The following C11orf97 variants were observed in gnomAD, a reference collection of about 807,000 sequenced individuals.
C11orf97 encodes uncharacterized protein C11orf97.
C11orf97 carries 15 observed loss-of-function variants against 16.2 expected under a neutral mutation model. The observed-to-expected ratio is 0.93, with a 90% CI of 0.62 to 1.43. The LOEUF (loss-of-function observed/expected upper bound fraction) is 1.43, where lower values mean the gene tolerates loss of function less well. Among genes scored for constraint, C11orf97 ranks in the 40% most tolerant of loss-of-function variants. The probability of loss-of-function intolerance (pLI) is 0.00; values close to 1 mark genes in which losing one functional copy is unlikely to be tolerated. For missense variants in C11orf97, 171 were observed against 161.2 expected, an observed-to-expected ratio of 1.06 and a Z score of -0.33; for synonymous variants, 61 against 65.7, an observed-to-expected ratio of 0.93 and a Z score of 0.34.
intron 2 of C11orf97, among the ~76,000 whole-genome samples, chr11:94,520,397 A>G (rs938339718): frequency 1.3e-5 from 2 of 152,180 alleles, no homozygotes; most frequent in Admixed American, 1.3e-4. Context: ...TGTATAATTT[A>G]GAGGTCTCAG....
rs886369539 is a variant in C11orf97, at chr11:94,512,664, G to C, written c.136G>C (p.Gly46Arg). The C allele has an allele frequency of 3.2e-6, 4 of 1,241,538 alleles. No individual in the cohort carries two copies. Among genetic ancestry groups the C allele is most frequent in the African/African-American group, 3.1e-5 (2 of 64,482 alleles). The allele number at this position is 1,241,538 out of a possible 1,614,324, so 76.9% of individuals were successfully genotyped here. ...GEPGRGPLEH[G>R]QQWKKFLYCE... ...ACCCGGCCGCGGCCCCCTAGAGCAC[G>C]GCCAGCAGTGTGAGTTCAGCTCCAG... The change falls in exon 1 of 4, where the codon GGC (glycine) becomes CGC (arginine). Residue 46 changes from glycine (G) to arginine (R), a missense_variant. Physicochemically the swap from Gly to Arg is moderately radical, Grantham distance 125. Coordinates refer to ENST00000542198, the MANE Select transcript of C11orf97 (RefSeq NM_001190462.2).
intron 2 of C11orf97, among the ~76,000 whole-genome samples, chr11:94,518,922 T>G (rs565276984): frequency 9.7e-4 from 148 of 152,154 alleles, no homozygotes; most frequent in African/African-American, 3.4e-3. Flanking sequence ...CATTTTTTTT[T>G]TTTTTGGATG....
chr11:94,521,810 C>T (rs505417), intron 2 of C11orf97, among the ~76,000 whole-genome samples: 4,238 of 152,166 alleles, frequency 0.028, 190 homozygotes, highest in African/African-American at 0.095. Context: ...CAGATCTGAC[C>T]CCCAATCCCA....
At chr11:94,526,821 T>C (rs1285091301) in intron 2 of C11orf97, among the ~76,000 whole-genome samples, 1 of 152,148 alleles carries the variant, frequency 6.6e-6, no homozygotes, top group East Asian at 1.9e-4. Context: ...TGAAGGTCTT[T>C]GAAGAAGAGA....
At chr11:94,516,830 T>G (rs1367168152) in intron 1 of C11orf97, among the ~76,000 whole-genome samples, 2 of 152,080 alleles carry the variant, frequency 1.3e-5, no homozygotes, top group Non-Finnish European at 2.9e-5. Context: ...AAACAGCATG[T>G]GCAAAGGTAG....
At chr11:94,529,463 C>A (rs1947722479) in intron 3 of C11orf97, among the ~76,000 whole-genome samples, 1 of 152,136 alleles carries the variant, frequency 6.6e-6, no homozygotes, top group Admixed American at 6.5e-5. Context: ...GTAGTAGTAG[C>A]CACCATTTAT....
intron 2 of C11orf97, among the ~76,000 whole-genome samples, chr11:94,519,729 G>A (rs923139770): frequency 6.6e-6 from 1 of 152,204 alleles, no homozygotes; most frequent in Non-Finnish European, 1.5e-5. Flanking sequence ...TCAATGCGGA[G>A]AATAGATTCT....
chr11:94,524,597 A>AAAAAG (rs1249698734), intron 2 of C11orf97, among the ~76,000 whole-genome samples: 2 of 151,508 alleles, frequency 1.3e-5, no homozygotes, highest in Non-Finnish European at 2.9e-5. Context: ...AAAAAAAAAA[A>AAAAAG]AAAAAAGGGA....
chr11:94,512,800 C>A, intron 1 of C11orf97, 127 bp downstream of exon 1: 1 of 1,038,862 alleles, frequency 9.6e-7, no homozygotes, highest in Non-Finnish European at 1.2e-6. Context: ...GGAGCTGCTG[C>A]TTTTGGCAGA....
chr11:94,524,001 C>T (rs149162466), intron 2 of C11orf97, among the ~76,000 whole-genome samples: 64 of 152,242 alleles, frequency 4.2e-4, no homozygotes, highest in African/African-American at 1.5e-3. Flanking sequence ...TCCTTGTAGG[C>T]TCCTGATGTG....
At chr11:94,525,987 G>A (rs574580417) in intron 2 of C11orf97, among the ~76,000 whole-genome samples, 1 of 152,284 alleles carries the variant, frequency 6.6e-6, no homozygotes, top group African/African-American at 2.4e-5. Flanking sequence ...GAGAGAAGAG[G>A]AATCTCTAGA....
At chr11:94,519,542 A>T (rs950149348) in intron 2 of C11orf97, among the ~76,000 whole-genome samples, 2 of 152,222 alleles carry the variant, frequency 1.3e-5, no homozygotes, top group African/African-American at 4.8e-5. Flanking sequence ...TATTGGATAC[A>T]CTAGATTGTG....
chr11:94,522,753 C>T (rs189854016), intron 2 of C11orf97, among the ~76,000 whole-genome samples: 5 of 152,250 alleles, frequency 3.3e-5, no homozygotes, highest in Admixed American at 1.3e-4. Flanking sequence ...ACCCATATGC[C>T]AGGTTCACCT....
intron 2 of C11orf97, among the ~76,000 whole-genome samples, chr11:94,521,570 C>T (rs934525645): frequency 3.9e-5 from 6 of 152,062 alleles, no homozygotes; most frequent in African/African-American, 1.2e-4. Context: ...GTAACTCCGT[C>T]GTAAGTCGAG....
At chr11:94,520,592 C>A (rs1947650342) in intron 2 of C11orf97, among the ~76,000 whole-genome samples, 1 of 152,166 alleles carries the variant, frequency 6.6e-6, no homozygotes, top group Non-Finnish European at 1.5e-5. Flanking sequence ...AAATCTTATT[C>A]TCTATTCCCA....
At position 94,512,579 on chromosome 11, in the gene C11orf97, G is replaced by A; in HGVS notation, c.51G>A (p.Ala17=). Reference sequence around the variant, plus strand: ...TGACCGCAGTGGTGGCGCCCAAGGCGGGTCGCGAAGAGGAGCAGCCTCCTC... The same window carrying A: ...TGACCGCAGTGGTGGCGCCCAAGGCAGGTCGCGAAGAGGAGCAGCCTCCTC... ...VVVTAVVAPK[A]GREEEQPPPP... is the part of the protein sequence containing the mutation. The change falls in exon 1 of 4, where the codon GCG becomes GCA. Residue 17 remains alanine (A), a synonymous_variant. Transcript: ENST00000542198. The A allele has an allele frequency of 7.7e-7, 1 of 1,291,864 alleles. No individual in the cohort carries two copies. The highest frequency in any genetic ancestry group is 9.8e-7 in the Non-Finnish European group (1 of 1,019,700). 80.0% of individuals were successfully genotyped at this position (1,291,864 alleles called of 1,614,324 possible). A position where few individuals can be genotyped will look rare whatever the true frequency, so the allele number is the denominator to read the frequency against.
At chr11:94,526,751 T>C (rs952089703) in intron 2 of C11orf97, among the ~76,000 whole-genome samples, 2 of 152,188 alleles carry the variant, frequency 1.3e-5, no homozygotes, top group African/African-American at 4.8e-5. Flanking sequence ...TTAGGTTAGA[T>C]AGAAGGAACA....
chr11:94,518,149 G>GAA lies in C11orf97; in HGVS notation c.250+478_250+479dup, dbSNP rs370762855. On this transcript the variant is annotated intron_variant, in intron 2 of 3. Coordinates refer to ENST00000542198, the MANE Select transcript of C11orf97 (RefSeq NM_001190462.2). ...GGTGACAGAGCAAGACTCCATATCA[G>GAA]AAAAAAAAAAAAAAAAAGATCTAGA... Among the ~76,000 whole-genome samples the GAA allele has an allele frequency of 2.7e-3, 296 of 108,952 alleles. 15 individuals carry two copies. Among genetic ancestry groups the GAA allele is most frequent in the South Asian group, 0.015 (46 of 3,164 alleles). The allele number at this position is 108,952 out of a possible 152,430, so 71.5% of individuals were successfully genotyped here. A position where few individuals can be genotyped will look rare whatever the true frequency, so the allele number is the denominator to read the frequency against.
intron 2 of C11orf97, among the ~76,000 whole-genome samples, chr11:94,524,119 A>C (rs1359464143): frequency 3.9e-5 from 6 of 152,032 alleles, no homozygotes; most frequent in African/African-American, 1.4e-4. Flanking sequence ...TAATAGTAAT[A>C]ATGGTTATCA....
Sources: gnomAD v4.1 joint callset for allele counts (sites outside exome capture counted in the v4.1 genomes callset) on GRCh38, gnomAD v4.1.1 for gene constraint, MANE v1.5 for transcripts, NCBI Gene and HGNC (gene_info 2026-07-23, HGNC 2026-07-21) for gene names.